Variants in COMMD1 observed in about 807,000 individuals in gnomAD.
COMMD1 encodes COMM domain-containing protein 1.
COMMD1 carries 10 observed loss-of-function variants against 17.2 expected under a neutral mutation model. The ratio of observed to expected loss-of-function variants is 0.58; its 90% CI spans 0.36 to 0.99. The LOEUF is 0.99. COMMD1 is among the 50% of genes least tolerant of loss of function. The pLI is 0.01. For synonymous variants in COMMD1, 97 were observed against 91.6 expected (o/e 1.06, Z -0.34); for missense variants, 270 against 231.8 (o/e 1.17, Z -1.07).
intron 2 of COMMD1, among the ~76,000 whole-genome samples, chr2:62,098,834 G>A (rs1028420224): frequency 6.6e-6 from 1 of 152,138 alleles, no homozygotes; most frequent in Non-Finnish European, 1.5e-5. Context: ...TCATTCTTCA[G>A]CTTTGTTCTG....
intron 1 of COMMD1, among the ~76,000 whole-genome samples, chr2:61,978,243 A>G (rs896688617): frequency 1.3e-5 from 2 of 152,236 alleles, no homozygotes; most frequent in African/African-American, 4.8e-5. Context: ...CTAATAAACT[A>G]AAAGCTTAGT....
intron 1 of COMMD1, among the ~76,000 whole-genome samples, chr2:61,990,921 C>CACAT (rs1558551623): frequency 1.3e-5 from 2 of 149,782 alleles, no homozygotes; most frequent in African/African-American, 4.9e-5. Context: ...CACACACACA[C>CACAT]ACACACACAC....
intron 2 of COMMD1, among the ~76,000 whole-genome samples, chr2:62,134,800 C>G (rs1460120375): frequency 6.6e-6 from 1 of 152,004 alleles, no homozygotes; most frequent in Non-Finnish European, 1.5e-5. Context: ...CTACCATCTA[C>G]CTAACCTAGG....
At chr2:62,104,931 G>T (rs1408181682) in intron 2 of COMMD1, among the ~76,000 whole-genome samples, 3 of 151,946 alleles carry the variant, frequency 2.0e-5, no homozygotes, top group Non-Finnish European at 4.4e-5. Flanking sequence ...TTTGAGACCA[G>T]CCTGGCCAAC....
chr2:62,120,054 G>A (rs572099431), intron 2 of COMMD1, among the ~76,000 whole-genome samples: 1 of 152,104 alleles, frequency 6.6e-6, no homozygotes. Flanking sequence ...CTGGAGTACA[G>A]TGACCCGATC....
intron 1 of COMMD1, among the ~76,000 whole-genome samples, chr2:61,987,527 C>G (rs1355511334): frequency 1.3e-5 from 2 of 152,080 alleles, no homozygotes; most frequent in Admixed American, 6.5e-5. Context: ...CCCTTTTTCC[C>G]AAATAAACAG....
intron 1 of COMMD1, among the ~76,000 whole-genome samples, chr2:61,971,155 C>G (rs1671640894): frequency 6.6e-6 from 1 of 152,232 alleles, no homozygotes; most frequent in Non-Finnish European, 1.5e-5. Flanking sequence ...AAATTGAACA[C>G]TCGAACAAAG....
intron 1 of COMMD1, among the ~76,000 whole-genome samples, chr2:61,894,858 C>T (rs1282222885): frequency 1.3e-5 from 2 of 151,874 alleles, no homozygotes; most frequent in Non-Finnish European, 1.5e-5. Context: ...ACCACCACGC[C>T]CAGCTAATTT....
chr2:62,102,291 T>A lies in COMMD1; in HGVS notation c.463-33540T>A, dbSNP rs185182919. ...ATATAAACACCCTCTGTACTATTTT[T>A]GTACTTTTGATATTCCCTCTGCTTC... On this transcript the variant is annotated intron_variant, in intron 2 of 2. Transcript: ENST00000311832. 2.6e-5 allele frequency among the ~76,000 whole-genome samples: 4 copies of A among 152,350 alleles called. No individual in the cohort carries two copies. The East Asian group carries it at 7.7e-4, about 29-fold the overall frequency.
chr2:62,011,809 C>G (rs191593145), intron 2 of COMMD1, among the ~76,000 whole-genome samples: 5 of 152,188 alleles, frequency 3.3e-5, no homozygotes, highest in African/African-American at 1.2e-4. Flanking sequence ...GAAGGCAGTT[C>G]TTAAGAGGTG....
chr2:62,066,690 C>T lies in COMMD1; in HGVS notation c.462+65708C>T, dbSNP rs540743002. Among the ~76,000 whole-genome samples the T allele has an allele frequency of 5.3e-5, 8 of 149,842 alleles. No individual in the cohort carries two copies. The East Asian group carries it at 8.0e-4, about 15-fold the overall frequency. The stretch of plus-strand genomic sequence containing the variant: ...TGCTGGGATTACAGGTGTGAGCCAC[C>T]GCGCCTGGCCTAAAGCAAGATCAAA... On this transcript the variant is annotated intron_variant, in intron 2 of 2. Transcript: ENST00000311832.
At chr2:62,108,013 C>T (rs1672362790) in intron 2 of COMMD1, among the ~76,000 whole-genome samples, 1 of 152,038 alleles carries the variant, frequency 6.6e-6, no homozygotes. Context: ...TCTGTTTATC[C>T]CCCAGCATGC....
At chr2:62,004,741 G>C (rs1669064874) in intron 2 of COMMD1, among the ~76,000 whole-genome samples, 1 of 152,118 alleles carries the variant, frequency 6.6e-6, no homozygotes, top group Non-Finnish European at 1.5e-5. Context: ...CTGGATCCTT[G>C]GTTAGTACTT....
chr2:62,109,172 T>A (rs1375915601), intron 2 of COMMD1, among the ~76,000 whole-genome samples: 1 of 152,200 alleles, frequency 6.6e-6, no homozygotes, highest in Non-Finnish European at 1.5e-5. Flanking sequence ...TTATTTCCTA[T>A]CTCTTAATTG....
intron 2 of COMMD1, among the ~76,000 whole-genome samples, chr2:62,083,348 C>A (rs1370782131): frequency 6.6e-6 from 1 of 152,126 alleles, no homozygotes; most frequent in African/African-American, 2.4e-5. Context: ...TGCAACTTTG[C>A]CATTGTAGCC....
intron 1 of COMMD1, among the ~76,000 whole-genome samples, chr2:61,909,617 T>G (rs1374580182): frequency 2.6e-5 from 4 of 152,198 alleles, no homozygotes; most frequent in Non-Finnish European, 4.4e-5. Flanking sequence ...AACCTTTTAT[T>G]CTTATAATCT....
At chr2:62,060,419 T>A (rs1462544328) in intron 2 of COMMD1, among the ~76,000 whole-genome samples, 1 of 152,258 alleles carries the variant, frequency 6.6e-6, no homozygotes, top group Admixed American at 6.5e-5. Context: ...ACTCTTCTTT[T>A]ATGCAGTAGT....
chr2:62,007,301 C>T (rs1487674063), intron 2 of COMMD1, among the ~76,000 whole-genome samples: 2 of 151,836 alleles, frequency 1.3e-5, no homozygotes, highest in Admixed American at 1.3e-4. Context: ...CATTTATAAG[C>T]AATTAGATGA....
At chr2:62,114,080 G>A (rs1016449140) in intron 2 of COMMD1, among the ~76,000 whole-genome samples, 4 of 152,070 alleles carry the variant, frequency 2.6e-5, no homozygotes, top group African/African-American at 9.7e-5. Context: ...TTTATCCATA[G>A]GTAGCATTTT....
Sources: gnomAD v4.1 joint callset for allele counts (sites outside exome capture counted in the v4.1 genomes callset) on GRCh38, gnomAD v4.1.1 for gene constraint, MANE v1.5 for transcripts, NCBI Gene and HGNC (gene_info 2026-07-23, HGNC 2026-07-21) for gene names.